STXBP4: variants seen among roughly 807,000 people sequenced by gnomAD.
STXBP4 encodes the protein syntaxin binding protein 4.
STXBP4 carries 55 observed loss-of-function variants against 76.1 expected under a neutral mutation model. That is an observed-to-expected ratio of 0.72 (90% CI 0.58 to 0.91). STXBP4 has a LOEUF of 0.91. STXBP4 is among the 40% of genes least tolerant of loss of function. The pLI, the probability that STXBP4 is intolerant of heterozygous loss-of-function variation, is 0.00. For synonymous variants in STXBP4, 201 were observed against 220.2 expected (o/e 0.91, Z 0.77); for missense variants, 618 against 636.9 (o/e 0.97, Z 0.32).
intron 16 of STXBP4, among the ~76,000 whole-genome samples, chr17:55,111,244 C>A (rs1212578850): frequency 2.0e-5 from 3 of 152,110 alleles, no homozygotes; most frequent in African/African-American, 7.2e-5. Flanking sequence ...AGAGTAAGAT[C>A]CAAACTCTTT....
intron 16 of STXBP4, among the ~76,000 whole-genome samples, chr17:55,134,979 C>G (rs1324617962): frequency 6.6e-6 from 1 of 152,104 alleles, no homozygotes; most frequent in Admixed American, 6.6e-5. Flanking sequence ...CCTTAAATGT[C>G]TGTACATCAG....
the STXBP4 span, among the ~76,000 whole-genome samples, chr17:55,201,360 A>G: frequency 6.6e-6 from 1 of 151,996 alleles, no homozygotes; most frequent in African/African-American, 2.4e-5. Flanking sequence ...AACAATGAAG[A>G]TTAAAATTAA....
chr17:55,013,820 G>C (rs2787494), intron 8 of STXBP4, among the ~76,000 whole-genome samples: 120,312 of 152,136 alleles, frequency 0.79, 48,213 homozygotes, highest in African/African-American at 0.91. Context: ...GTAAAACAGT[G>C]CAGGTGAGTT....
chr17:55,002,179 T>A (rs2077932221), intron 7 of STXBP4, among the ~76,000 whole-genome samples: 1 of 152,142 alleles, frequency 6.6e-6, no homozygotes, highest in African/African-American at 2.4e-5. Flanking sequence ...AATGAAACAG[T>A]CATGAGATGA....
chr17:55,202,190 T>C, the STXBP4 span, among the ~76,000 whole-genome samples: 1 of 152,184 alleles, frequency 6.6e-6, no homozygotes, highest in East Asian at 1.9e-4. Flanking sequence ...ATTACTCAAA[T>C]TTCTACTCCT....
At chr17:55,066,211 T>C (rs2079049053) in intron 12 of STXBP4, among the ~76,000 whole-genome samples, 1 of 150,192 alleles carries the variant, frequency 6.7e-6, no homozygotes, top group East Asian at 1.9e-4. Flanking sequence ...TTGTTTTGTT[T>C]TGTTTTGTTT....
intron 17 of STXBP4, among the ~76,000 whole-genome samples, chr17:55,142,646 C>T (rs1167211296): frequency 2.0e-5 from 3 of 151,896 alleles, no homozygotes; most frequent in Admixed American, 6.6e-5. Flanking sequence ...GAAAAAAAAC[C>T]TGAACAATCA....
chr17:55,069,153 C>CAAA (rs991465831), intron 12 of STXBP4, among the ~76,000 whole-genome samples: 1 of 75,804 alleles, frequency 1.3e-5, no homozygotes, highest in African/African-American at 4.2e-5. Context: ...TCAGTGTTGC[C>CAAA]AAAAAAAAAA....
At chr17:55,116,214 A>G (rs1277901258) in intron 16 of STXBP4, among the ~76,000 whole-genome samples, 1 of 151,836 alleles carries the variant, frequency 6.6e-6, no homozygotes, top group East Asian at 1.9e-4. Flanking sequence ...AATCATTGCT[A>G]TGGAGCATGT....
At chr17:55,208,587 A>AAGGAAGGAAGGAAGGAAGGAAGGG in the STXBP4 span, among the ~76,000 whole-genome samples, 5 of 145,578 alleles carry the variant, frequency 3.4e-5, no homozygotes, top group Admixed American at 2.7e-4. Flanking sequence ...AGAAGGAAGG[A>AAGGAAGGAAGGAAGGAAGGAAGGG]AGGAAGGAAG....
chr17:55,041,852 A>T (rs575188051), intron 10 of STXBP4, among the ~76,000 whole-genome samples: 1 of 152,276 alleles, frequency 6.6e-6, no homozygotes, highest in South Asian at 2.1e-4. Flanking sequence ...ACTACCACTC[A>T]ATTTTGCTTT....
chr17:55,060,743 A>G (rs951531904), intron 12 of STXBP4, among the ~76,000 whole-genome samples: 17 of 152,176 alleles, frequency 1.1e-4, no homozygotes, highest in Non-Finnish European at 2.4e-4. Flanking sequence ...TCATGAGCAC[A>G]ATTTCCCATG....
At position 55,112,384 on chromosome 17, in the gene STXBP4, T is replaced by C. The variant is rs191984633; in HGVS notation, c.1490-28926T>C. On this transcript the variant is annotated intron_variant, in intron 16 of 17. Coordinates refer to ENST00000376352, the MANE Select transcript of STXBP4 (RefSeq NM_178509.6). ...AAGGCAAGGTCCTCACTTGTCTTAC[T>C]GCTATAGCCTCAGAATTTACTACAG... Among the ~76,000 whole-genome samples the C allele has an allele frequency of 5.2e-4, 79 of 152,344 alleles. No homozygotes were observed. The East Asian group carries it at 0.014, about 26-fold the overall frequency.
At chr17:55,070,481 T>C (rs2079106677) in intron 12 of STXBP4, among the ~76,000 whole-genome samples, 1 of 152,182 alleles carries the variant, frequency 6.6e-6, no homozygotes, top group Non-Finnish European at 1.5e-5. Context: ...ATTCTTTTAT[T>C]ATAAAACAAT....
intron 16 of STXBP4, among the ~76,000 whole-genome samples, chr17:55,085,880 C>T (rs1408606300): frequency 6.6e-6 from 1 of 152,064 alleles, no homozygotes; most frequent in African/African-American, 2.4e-5. Context: ...ATATCAAAAA[C>T]TCCTAAGAGC....
intron 12 of STXBP4, among the ~76,000 whole-genome samples, chr17:55,057,728 A>G (rs1475455206): frequency 2.0e-5 from 3 of 151,990 alleles, no homozygotes; most frequent in South Asian, 2.1e-4. Flanking sequence ...GACAGGCCCC[A>G]GTGTGTGATG....
chr17:55,022,364 A>C (rs1464928993), intron 8 of STXBP4, among the ~76,000 whole-genome samples: 1 of 151,910 alleles, frequency 6.6e-6, no homozygotes. Flanking sequence ...GGAGGTTGTC[A>C]GAAGAGGTTG....
rs758511207 is a variant in STXBP4, at chr17:55,047,048, CT to C, written c.946-38del. On this transcript the variant is annotated intron_variant, in intron 11 of 17. Transcript: ENST00000376352. ...GACTAAGAAGTCACACTTGTTAATA[CT>C]TTCATAACAAGTTGTTAATTTGGTG... 1.0e-5 allele frequency: 13 copies of C among 1,262,088 alleles called. No individual in the cohort carries two copies. In the African/African-American group the frequency reaches 1.9e-4, roughly 19 times the overall value. The allele number at this position is 1,262,088 out of a possible 1,614,324, so 78.2% of individuals were successfully genotyped here. A position where few individuals can be genotyped will look rare whatever the true frequency, so the allele number is the denominator to read the frequency against.
At chr17:55,211,761 C>A in the STXBP4 span, among the ~76,000 whole-genome samples, 1 of 143,882 alleles carries the variant, frequency 7.0e-6, no homozygotes, top group East Asian at 2.1e-4. Context: ...GCTGAACCTA[C>A]AAATTAGTTT....
Sources: gnomAD v4.1 joint callset for allele counts (sites outside exome capture counted in the v4.1 genomes callset) on GRCh38, gnomAD v4.1.1 for gene constraint, MANE v1.5 for transcripts, NCBI Gene and HGNC (gene_info 2026-07-23, HGNC 2026-07-21) for gene names.